The following WDR59 variants were observed in gnomAD, a reference collection of about 807,000 sequenced individuals.
The protein encoded by WDR59 is WD repeat domain 59.
In WDR59, 100 loss-of-function variants were observed where a neutral mutation model predicts 131.2. The ratio of observed to expected loss-of-function variants is 0.76; its 90% CI spans 0.65 to 0.90. The LOEUF is 0.90. Ranked by LOEUF, WDR59 falls within the 40% of genes least tolerant of loss-of-function variation. The pLI, the probability that WDR59 is intolerant of heterozygous loss-of-function variation, is 0.00. For synonymous variants in WDR59, 601 were observed against 466.2 expected, an observed-to-expected ratio of 1.29 and a Z score of -3.72; for missense variants, 1,203 against 1,262.2, an observed-to-expected ratio of 0.95 and a Z score of 0.71.
chr16:74,908,140 G>A lies in WDR59; in HGVS notation c.1712+768C>T, dbSNP rs145514464. ...CGTTGTAATTTAAAACTTCCAGGCT[G>A]GGCATGGTGGCTCACACCTGTAACC... is the stretch of plus-strand genomic sequence containing the variant. On this transcript the variant is annotated intron_variant, in intron 17 of 25. Transcript: ENST00000262144. 9.9e-5 allele frequency among the ~76,000 whole-genome samples: 15 copies of A among 152,094 alleles called. 1 individual carries two copies. The East Asian group carries it at 2.7e-3, about 27-fold the overall frequency.
At chr16:74,897,427 G>A (rs16949666) in intron 18 of WDR59, among the ~76,000 whole-genome samples, 5,083 of 152,168 alleles carry the variant, frequency 0.033, 169 homozygotes, top group African/African-American at 0.079. Context: ...TACAAAGATC[G>A]GTAGAAACAA....
At position 74,977,850 on chromosome 16, in the gene WDR59, A is replaced by T. The variant is rs556992060; in HGVS notation, c.54+7114T>A. The stretch of plus-strand genomic sequence containing the variant: ...CTATATACTGGAACACTACTCAGCA[A>T]GAAGAAGGAATGCACTAACAGATAG... On this transcript the variant is annotated intron_variant, in intron 1 of 25. Coordinates refer to ENST00000262144, the MANE Select transcript of WDR59 (RefSeq NM_030581.4). Among the ~76,000 whole-genome samples, 3 of 152,310 alleles carry T rather than the reference A, an allele frequency of 2.0e-5. No homozygotes were observed. In the South Asian group the frequency reaches 6.2e-4, roughly 32 times the overall value.
At position 74,874,267 on chromosome 16, in the gene WDR59, G is replaced by A. The variant is rs753687357; in HGVS notation, c.2867C>T (p.Thr956Ile). ...ACACCCGGTGGGACACACCTCCTGG[G>A]TCCGAAACCACTCCATCATGTGGCT... ...HTSHMMEWFRTQEVCPTGCGC... is the reference protein window; with the variant it reads ...HTSHMMEWFRIQEVCPTGCGC... The change falls in exon 26 of 26, where the codon ACC becomes ATC. Residue 956 changes from threonine to isoleucine, a missense_variant. Physicochemically the swap from Thr to Ile is moderately conservative, Grantham distance 89 (BLOSUM62 -1). Transcript: ENST00000262144. 5.0e-6 allele frequency: 8 copies of A among 1,614,164 alleles called. No individual in the cohort carries two copies. In the South Asian group the frequency reaches 7.7e-5, roughly 16 times the overall value.
chr16:74,914,193 A>T (rs964238611), intron 13 of WDR59, among the ~76,000 whole-genome samples: 2 of 152,134 alleles, frequency 1.3e-5, no homozygotes, highest in South Asian at 4.1e-4. Flanking sequence ...GTCTGAGCGG[A>T]CAGAGCAAGG....
chr16:74,961,077 G>A (rs906916560), intron 2 of WDR59, among the ~76,000 whole-genome samples: 12 of 152,086 alleles, frequency 7.9e-5, no homozygotes, highest in African/African-American at 2.9e-4. Context: ...GGCCAAGGCA[G>A]GAGGATCAAC....
intron 8 of WDR59, among the ~76,000 whole-genome samples, chr16:74,937,240 C>A (rs1006309674): frequency 6.6e-6 from 1 of 152,262 alleles, no homozygotes; most frequent in Admixed American, 6.5e-5. Context: ...CAGAAATAAT[C>A]GGGTTACTGA....
intron 5 of WDR59, among the ~76,000 whole-genome samples, chr16:74,948,901 G>C (rs539299564): frequency 2.9e-4 from 44 of 152,244 alleles, no homozygotes; most frequent in Non-Finnish European, 3.8e-4. Flanking sequence ...GGGAGACTGA[G>C]GCAGGAGAAT....
chr16:74,944,908 A>G (rs1040207973), intron 6 of WDR59, among the ~76,000 whole-genome samples: 4 of 151,232 alleles, frequency 2.6e-5, no homozygotes, highest in East Asian at 2.0e-4. Flanking sequence ...GGTAGGCCAC[A>G]AAGTCAGGAG....
intron 25 of WDR59, 118 bp from the exon 26 acceptor site, chr16:74,874,562 T>A: frequency 1.3e-6 from 1 of 770,298 alleles, no homozygotes; most frequent in Non-Finnish European, 2.1e-6. Flanking sequence ...CAGATTCTCT[T>A]AGACCAGTGG....
intron 6 of WDR59, among the ~76,000 whole-genome samples, chr16:74,943,642 C>G (rs1379522268): frequency 6.6e-6 from 1 of 152,204 alleles, no homozygotes; most frequent in Non-Finnish European, 1.5e-5. Context: ...AGTGACAGCA[C>G]TCCTTCCTGT....
At chr16:74,912,582 C>T (rs1274703016) in intron 13 of WDR59, among the ~76,000 whole-genome samples, 2 of 152,136 alleles carry the variant, frequency 1.3e-5, no homozygotes, top group African/African-American at 2.4e-5. Context: ...CTCAAAGTTG[C>T]TGAGACCAGC....
Position 74,956,576 on chromosome 16 carries a change from G to C in WDR59, c.139C>G (p.Pro47Ala). 3.1e-6 allele frequency: 5 copies of C among 1,614,006 alleles called. No homozygotes were observed. Among genetic ancestry groups the C allele is most frequent in the Non-Finnish European group, 4.2e-6 (5 of 1,179,986 alleles). Reference protein sequence around the residue: ...RFLYIVNLDAPFEGHRKISRQ... With the variant: ...RFLYIVNLDAAFEGHRKISRQ... ...GAGATCTTTCGGTGACCTTCGAAAG[G>C]GGCATCTAGATTGACGATGTATAAG... The change falls in exon 3 of 26, where the codon CCT becomes GCT. Residue 47 changes from proline to alanine, a missense_variant. Coordinates refer to ENST00000262144, the MANE Select transcript of WDR59 (RefSeq NM_030581.4).
chr16:74,901,748 T>C (rs2144877056), intron 18 of WDR59, among the ~76,000 whole-genome samples: 1 of 152,286 alleles, frequency 6.6e-6, no homozygotes, highest in Middle Eastern at 3.4e-3. Context: ...GTGACATCAT[T>C]TGACATGTGA....
chr16:74,886,363 C>A lies in WDR59; in HGVS notation c.2453G>T (p.Trp818Leu). 1 of 1,613,714 alleles carries A rather than the reference C, an allele frequency of 6.2e-7. No individual in the cohort carries two copies. Among genetic ancestry groups the A allele is most frequent in the East Asian group, 2.2e-5 (1 of 44,858 alleles). ...GAGCTCTTCTGGTGAGGATTCTCCC[C>A]AAGGGGAGGACAAGTGCTCTGCCTC... ...GREAEHLSSP[W>L]GESSPEELRF... Residue 818 changes from tryptophan (W) to leucine (L), a missense_variant, in exon 24 of 26, where the codon TGG becomes TTG. Physicochemically the swap from Trp to Leu is moderately conservative, Grantham distance 61. Transcript: ENST00000262144.
chr16:74,874,544 G>C (rs1444688796), intron 25 of WDR59, 100 bp from the exon 26 acceptor site: 1 of 877,254 alleles, frequency 1.1e-6, no homozygotes, highest in African/African-American at 1.7e-5. Flanking sequence ...TTCCTCTCAA[G>C]ACTCTAGCAG....
intron 25 of WDR59, among the ~76,000 whole-genome samples, chr16:74,878,878 TA>T (rs1964342937): frequency 6.6e-6 from 1 of 152,274 alleles, no homozygotes; most frequent in Non-Finnish European, 1.5e-5. Context: ...CATTTCGCTT[TA>T]TTGCCAATTG....
Position 74,903,958 on chromosome 16 carries a change from A to T in WDR59, c.1855T>A (p.Tyr619Asn). The change falls in exon 18 of 26, where the codon TAC becomes AAC. Residue 619 changes from tyrosine (Y) to asparagine (N), a missense_variant. Physicochemically the swap from Tyr to Asn is moderately radical, Grantham distance 143. Coordinates refer to ENST00000262144, the MANE Select transcript of WDR59 (RefSeq NM_030581.4). Reference sequence around the variant, plus strand: ...GCTCTGGCACTTACCCGCTCCTTGTAGTAGAAGGAGCTGATGGAGACCTGC... The same window carrying T: ...GCTCTGGCACTTACCCGCTCCTTGTTGTAGAAGGAGCTGATGGAGACCTGC... ...KEQVSISSFY[Y>N]KERKSRRWKS... 1 of 1,608,184 alleles carries T rather than the reference A, an allele frequency of 6.2e-7. No individual in the cohort carries two copies. The highest frequency in any genetic ancestry group is 8.5e-7 in the Non-Finnish European group (1 of 1,177,964).
In WDR59 at chr16:74,965,729, C is replaced by T. The variant is rs1363964211; in HGVS notation, c.104+44G>A. On this transcript the variant is annotated intron_variant, in intron 2 of 25. Transcript: ENST00000262144. ...TTCCCAGAAACCCCGATTTGCAAATCGTTTCCAGAAATCATGGCAGACAAA... is the reference window on the plus strand; with the variant it reads ...TTCCCAGAAACCCCGATTTGCAAATTGTTTCCAGAAATCATGGCAGACAAA... 8 of 1,611,870 alleles carry T rather than the reference C, an allele frequency of 5.0e-6. No individual in the cohort carries two copies. In the South Asian group the frequency reaches 5.5e-5, roughly 11 times the overall value.
chr16:74,891,701 T>A (rs1160392423), intron 20 of WDR59, among the ~76,000 whole-genome samples: 1 of 152,198 alleles, frequency 6.6e-6, no homozygotes, highest in East Asian at 1.9e-4. Context: ...GGCAGAAGGA[T>A]CACTTGAGGC....
Sources: allele counts gnomAD v4.1 joint callset (sites outside exome capture counted in the v4.1 genomes callset), GRCh38; gene constraint gnomAD v4.1.1; transcripts MANE v1.5; gene names NCBI Gene and HGNC (gene_info 2026-07-23, HGNC 2026-07-21).